The following NALCN variants were observed in gnomAD, a reference collection of about 807,000 sequenced individuals.
The protein encoded by NALCN is sodium leak channel NALCN.
In NALCN, 111 loss-of-function variants were observed where a neutral mutation model predicts 225.3. The ratio of observed to expected loss-of-function variants is 0.49; its 90% CI spans 0.42 to 0.58. The LOEUF is 0.58. Among genes scored for constraint, NALCN ranks in the 20% least tolerant of loss-of-function variants. The pLI is 0.00. For missense variants in NALCN, 1,378 were observed against 2,202.4 expected (o/e 0.63, Z 7.49); for synonymous variants, 764 against 769.0 (o/e 0.99, Z 0.11).
At chr13:101,275,278 A>G (rs1307244024) in intron 10 of NALCN, among the ~76,000 whole-genome samples, 4 of 152,160 alleles carry the variant, frequency 2.6e-5, no homozygotes, top group Non-Finnish European at 5.9e-5. Context: ...CCAAAACAAA[A>G]CAGAATAAAG....
Position 101,143,174 on chromosome 13 carries a change from C to T in NALCN, c.2024G>A (p.Cys675Tyr), listed in dbSNP as rs753918617. Residue 675 changes from cysteine to tyrosine, a missense_variant, in exon 17 of 44, where the codon TGT becomes TAT. Coordinates refer to ENST00000251127, the MANE Select transcript of NALCN (RefSeq NM_052867.4). ...GGTCGGGAGGCTTCTCAGGAGGCAA[C>T]ATGTGTCCTGTTGCTGGCGGTCAAT... is the stretch of plus-strand genomic sequence containing the variant. ...QFIDRQQQDTCCLLRSLPTTS... is the reference protein window; with the variant it reads ...QFIDRQQQDTYCLLRSLPTTS... 1.9e-6 allele frequency: 3 copies of T among 1,613,870 alleles called. No individual in the cohort carries two copies. Among genetic ancestry groups the T allele is most frequent in the Admixed American group, 1.7e-5 (1 of 59,962 alleles).
chr13:101,083,534 G>T (rs752893357), intron 31 of NALCN, among the ~76,000 whole-genome samples, 177 bp downstream of exon 31: 1 of 152,104 alleles, frequency 6.6e-6, no homozygotes, highest in Non-Finnish European at 1.5e-5. Context: ...CACAGCCTTT[G>T]GGTGGTTGAT....
chr13:101,284,506 G>A (rs1200155149), intron 9 of NALCN, among the ~76,000 whole-genome samples: 1 of 152,128 alleles, frequency 6.6e-6, no homozygotes, highest in Non-Finnish European at 1.5e-5. Flanking sequence ...CAGGAGCACT[G>A]ACCTAATAAA....
chr13:101,351,728 G>T (rs543011918), intron 6 of NALCN, among the ~76,000 whole-genome samples: 1 of 152,220 alleles, frequency 6.6e-6, no homozygotes, highest in South Asian at 2.1e-4. Context: ...ACCTCATAAC[G>T]CTTTCATATA....
At chr13:101,320,686 C>T (rs1317443686) in intron 7 of NALCN, among the ~76,000 whole-genome samples, 1 of 151,588 alleles carries the variant, frequency 6.6e-6, no homozygotes. Flanking sequence ...GAATATGTCT[C>T]AAAAGGGTTT....
intron 13 of NALCN, among the ~76,000 whole-genome samples, chr13:101,205,996 TAGAA>T (rs1301592878): frequency 6.6e-6 from 1 of 152,062 alleles, no homozygotes; most frequent in East Asian, 1.9e-4. Flanking sequence ...TAGCTTTAAA[TAGAA>T]AGCAGCTTTG....
chr13:101,415,338 C>A (rs928480477), intron 1 of NALCN, among the ~76,000 whole-genome samples: 1 of 152,004 alleles, frequency 6.6e-6, no homozygotes, highest in African/African-American at 2.4e-5. Flanking sequence ...ATTTCACCAC[C>A]AGGGCAGTCG....
In NALCN at chr13:101,261,249, C is replaced by A. The variant is rs187816969; in HGVS notation, c.1135-2675G>T. 1.7e-3 allele frequency among the ~76,000 whole-genome samples: 263 copies of A among 152,146 alleles called. 1 individual carries two copies. The highest frequency in any genetic ancestry group is 6.8e-3 in the Middle Eastern group (2 of 294). On this transcript the variant is annotated intron_variant, in intron 10 of 43. Coordinates refer to ENST00000251127, the MANE Select transcript of NALCN (RefSeq NM_052867.4). ...GTCTGTTTTTATGGCAGTACCACGG[C>A]GTTTTGATTACTGTAGCTTTGAATT...
chr13:101,303,016 T>A (rs1403274787), intron 7 of NALCN, among the ~76,000 whole-genome samples: 1 of 152,176 alleles, frequency 6.6e-6, no homozygotes, highest in Non-Finnish European at 1.5e-5. Context: ...TTTTCCAGCA[T>A]TTCCAATGTA....
chr13:101,057,529 C>CG (rs2031413603), intron 43 of NALCN: 1 of 232,170 alleles, frequency 4.3e-6, no homozygotes, highest in South Asian at 5.4e-5. Flanking sequence ...TGAGAGAAAT[C>CG]GGGGGCCTGT....
At chr13:101,142,844 T>C in intron 17 of NALCN, 1 of 494,008 alleles carries the variant, frequency 2.0e-6, no homozygotes, top group Non-Finnish European at 3.6e-6. Context: ...TCTTGATGTT[T>C]ACAAAGTCGC....
At chr13:101,382,781 T>A (rs2046886902) in intron 3 of NALCN, among the ~76,000 whole-genome samples, 1 of 152,206 alleles carries the variant, frequency 6.6e-6, no homozygotes, top group Admixed American at 6.5e-5. Context: ...CCATAGGAAG[T>A]AATTTAATTG....
intron 35 of NALCN, 133 bp downstream of exon 35, chr13:101,075,740 T>C (rs983787707): frequency 5.2e-6 from 3 of 580,630 alleles, no homozygotes; most frequent in Non-Finnish European, 8.5e-6. Context: ...TATTTGTTAA[T>C]CTTGACTTAT....
intron 13 of NALCN, among the ~76,000 whole-genome samples, chr13:101,212,008 GT>G (rs924640118): frequency 4.0e-5 from 6 of 151,676 alleles, no homozygotes; most frequent in African/African-American, 1.5e-4. Context: ...AAAAAATAAA[GT>G]AAAAATCTTC....
chr13:101,123,474 C>A (rs1332286911), intron 18 of NALCN, among the ~76,000 whole-genome samples: 2 of 152,156 alleles, frequency 1.3e-5, no homozygotes, highest in Admixed American at 6.5e-5. Context: ...GATGGTAATA[C>A]CAGGATGGAG....
intron 11 of NALCN, among the ~76,000 whole-genome samples, chr13:101,251,148 G>T (rs1294530254): frequency 6.6e-6 from 1 of 152,052 alleles, no homozygotes; most frequent in African/African-American, 2.4e-5. Flanking sequence ...TATATATTTA[G>T]AAAGAGCTCT....
At chr13:101,083,604 C>T in intron 31 of NALCN, 107 bp downstream of exon 31, 1 of 1,089,796 alleles carries the variant, frequency 9.2e-7, no homozygotes, top group Non-Finnish European at 1.3e-6. Flanking sequence ...ACCTTATGCA[C>T]AACCTCCCAG....
chr13:101,195,754 A>G (rs1422861197), intron 13 of NALCN, among the ~76,000 whole-genome samples: 1 of 152,134 alleles, frequency 6.6e-6, no homozygotes, highest in African/African-American at 2.4e-5. Flanking sequence ...CCAAATTTGG[A>G]TGTAAATCTC....
chr13:101,145,009 AG>A, intron 15 of NALCN, 113 bp from the exon 16 acceptor site: 1 of 1,216,050 alleles, frequency 8.2e-7, no homozygotes, highest in Non-Finnish European at 1.1e-6. Context: ...AAATGCCAGT[AG>A]ATGGCAGCAA....
Sources: gnomAD v4.1 joint callset for allele counts (sites outside exome capture counted in the v4.1 genomes callset) on GRCh38, gnomAD v4.1.1 for gene constraint, MANE v1.5 for transcripts, NCBI Gene and HGNC (gene_info 2026-07-23, HGNC 2026-07-21) for gene names.